Variants in JPT2 observed in about 807,000 individuals in gnomAD.
JPT2 encodes CRAMP_1 like.
JPT2 carries 9 observed loss-of-function variants against 15.9 expected under a neutral mutation model. The observed-to-expected ratio is 0.57, with a 90% confidence interval of 0.34 to 0.99. The LOEUF (loss-of-function observed/expected upper bound fraction) is 0.99, where lower values mean the gene tolerates loss of function less well. Ranked by LOEUF, JPT2 falls within the 50% of genes least tolerant of loss-of-function variation. JPT2 has a pLI of 0.02. For synonymous variants in JPT2, 95 were observed against 91.7 expected, an observed-to-expected ratio of 1.04 and a Z score of -0.21; for missense variants, 267 against 252.1, an observed-to-expected ratio of 1.06 and a Z score of -0.40.
At chr16:1,678,469 GC>G (rs1490762993) in intron 1 of JPT2, 113 bp downstream of exon 1, 2 of 1,064,542 alleles carry the variant, frequency 1.9e-6, no homozygotes, top group Non-Finnish European at 1.2e-6. Context: ...GGGGGGCAGG[GC>G]GACCTCACAG....
At position 1,691,742 on chromosome 16, in the gene JPT2, G is replaced by A. The variant is rs938199995; in HGVS notation, c.194-101G>A. ...GGCCTGGAGCTCAGGGCTGGCACTC[G>A]GGGTTCCTATGAGAGGAGGTCTCCA... On this transcript the variant is annotated intron_variant, in intron 2 of 4. Transcript: ENST00000248098. 8 of 1,409,622 alleles carry A rather than the reference G, an allele frequency of 5.7e-6. No homozygotes were observed. The East Asian group carries it at 1.2e-4, about 20-fold the overall frequency. 87.3% of individuals were successfully genotyped at this position (1,409,622 alleles called of 1,614,324 possible). A position where few individuals can be genotyped will look rare whatever the true frequency, so the allele number is the denominator to read the frequency against.
At chr16:1,697,746 T>C in intron 3 of JPT2, 66 bp from the exon 4 acceptor site, 3 of 1,453,542 alleles carry the variant, frequency 2.1e-6, no homozygotes, top group Non-Finnish European at 2.9e-6. Flanking sequence ...CTGATTTTCA[T>C]TGTCCATTTG....
At chr16:1,683,123 T>C (rs986201061) in intron 1 of JPT2, among the ~76,000 whole-genome samples, 66 of 152,032 alleles carry the variant, frequency 4.3e-4, no homozygotes, top group African/African-American at 1.5e-3. Context: ...ACTACAGGCG[T>C]CCGCCACCAC....
intron 3 of JPT2, 130 bp downstream of exon 3, chr16:1,692,115 C>A: frequency 8.4e-7 from 1 of 1,195,312 alleles, no homozygotes; most frequent in Non-Finnish European, 1.2e-6. Flanking sequence ...ATCCTGGATG[C>A]AAGCATTAGT....
Position 1,699,086 on chromosome 16 carries a change from G to C in JPT2, c.*88G>C. On this transcript the variant is annotated 3_prime_UTR_variant, in exon 5 of 5. Transcript: ENST00000248098. ...CATTTCCTTTTGCCCAAATGAGCGG[G>C]GTGGGAAGAGGGTTAGTCTTATGTG... The C allele has an allele frequency of 7.3e-7, 1 of 1,366,602 alleles. No individual in the cohort carries two copies. Among genetic ancestry groups the C allele is most frequent in the South Asian group, 1.2e-5 (1 of 85,664 alleles). The allele number at this position is 1,366,602 out of a possible 1,614,324, so 84.7% of individuals were successfully genotyped here.
At chr16:1,681,590 G>A (rs2142219293) in intron 1 of JPT2, among the ~76,000 whole-genome samples, 1 of 152,228 alleles carries the variant, frequency 6.6e-6, no homozygotes, top group African/African-American at 2.4e-5. Flanking sequence ...TTGGAGTCCC[G>A]ATGGCACTAG....
rs935250352 is a variant in JPT2 at position 1,680,594 on chromosome 16, G to A, written c.44+2238G>A. 39 of 890,300 alleles carry A rather than the reference G, an allele frequency of 4.4e-5. 2 individuals are homozygous for A. The South Asian group carries it at 8.0e-4, about 18-fold the overall frequency. 55.2% of individuals were successfully genotyped at this position (890,300 alleles called of 1,614,324 possible). A position where few individuals can be genotyped will look rare whatever the true frequency, so the allele number is the denominator to read the frequency against. On this transcript the variant is annotated intron_variant, in intron 1 of 4. Coordinates refer to ENST00000248098, the MANE Select transcript of JPT2 (RefSeq NM_144570.3). ...GTCGCAGGGCGGGCGCCTTGTAAGC[G>A]TCACATTTAGTTTTGCTGTGAAGCG...
rs188413041 is a variant in JPT2, at chr16:1,695,196, G to C, written c.337-2616G>C. Among the ~76,000 whole-genome samples the C allele has an allele frequency of 3.5e-3, 533 of 151,842 alleles. 8 individuals carry two copies. The highest frequency in any genetic ancestry group is 0.031 in the East Asian group (157 of 5,140). On this transcript the variant is annotated intron_variant, in intron 3 of 4. Coordinates refer to ENST00000248098, the MANE Select transcript of JPT2 (RefSeq NM_144570.3). Reference sequence around the variant, plus strand: ...CGAGGCAGGCGGATCACCTGAGGCCGGGAGTTCGAGACCAGCCTGACCAAC... The same window carrying C: ...CGAGGCAGGCGGATCACCTGAGGCCCGGAGTTCGAGACCAGCCTGACCAAC...
intron 3 of JPT2, among the ~76,000 whole-genome samples, chr16:1,694,757 C>T (rs1013145131): frequency 2.0e-5 from 3 of 151,948 alleles, no homozygotes; most frequent in Non-Finnish European, 4.4e-5. Context: ...TAGCAAATGG[C>T]ATTGGTACAA....
rs962376106 is a variant in JPT2 at position 1,699,666 on chromosome 16, C to T, written c.*668C>T. Reference sequence around the variant, plus strand: ...CTGAAACCTCGGCCTGATCTGATCTCATGTTGGAATCTGCCTGTCTTTCAC... The same window carrying T: ...CTGAAACCTCGGCCTGATCTGATCTTATGTTGGAATCTGCCTGTCTTTCAC... On this transcript the variant is annotated 3_prime_UTR_variant, in exon 5 of 5. Coordinates refer to ENST00000248098, the MANE Select transcript of JPT2 (RefSeq NM_144570.3). 2 of 259,662 alleles carry T rather than the reference C, an allele frequency of 7.7e-6. No individual in the cohort carries two copies. The highest frequency in any genetic ancestry group is 4.6e-5 in the South Asian group (1 of 21,794). The allele number at this position is 259,662 out of a possible 1,614,324, so 16.1% of individuals were successfully genotyped here.
At chr16:1,696,444 C>A (rs2037142705) in intron 3 of JPT2, among the ~76,000 whole-genome samples, 1 of 151,860 alleles carries the variant, frequency 6.6e-6, no homozygotes, top group Admixed American at 6.6e-5. Context: ...TTGCTTGAAC[C>A]CAGAAGGCAA....
chr16:1,692,521 T>C (rs2037111372), intron 3 of JPT2: 1 of 163,830 alleles, frequency 6.1e-6, no homozygotes, highest in Non-Finnish European at 1.4e-5. Context: ...GAGGAATGCC[T>C]ACACGATGCG....
At position 1,702,047 on chromosome 16, in the gene JPT2, AAAAAT is replaced by A. The variant is rs533835277; in HGVS notation, c.*3059_*3063del. On this transcript the variant is annotated 3_prime_UTR_variant, in exon 5 of 5. Coordinates refer to ENST00000248098, the MANE Select transcript of JPT2 (RefSeq NM_144570.3). The stretch of plus-strand genomic sequence containing the variant: ...GACCACAGAGCAAGACCCTGTGTAA[AAAAAT>A]AAAATAAAAAACAGATTGGATGTCT... The A allele has an allele frequency of 1.5e-3, 677 of 444,070 alleles. 11 individuals are homozygous for A. The highest frequency in any genetic ancestry group is 2.5e-3 in the Middle Eastern group (4 of 1,604). The allele number at this position is 444,070 out of a possible 1,614,324, so 27.5% of individuals were successfully genotyped here.
Position 1,700,480 on chromosome 16 carries a change from G to A in JPT2, c.*1482G>A, listed in dbSNP as rs1360837369. On this transcript the variant is annotated 3_prime_UTR_variant, in exon 5 of 5. Transcript: ENST00000248098. ...ATCATCATTATTAAACTTCAGAAAAGCAGCAGCCATGTTCAGTCAGGCTCA... is the reference window on the plus strand; with the variant it reads ...ATCATCATTATTAAACTTCAGAAAAACAGCAGCCATGTTCAGTCAGGCTCA... The A allele has an allele frequency of 4.9e-6, 1 of 203,380 alleles. No individual in the cohort carries two copies. Among genetic ancestry groups the A allele is most frequent in the Non-Finnish European group, 1.1e-5 (1 of 93,608 alleles). 12.6% of individuals were successfully genotyped at this position (203,380 alleles called of 1,614,324 possible).
chr16:1,680,446 C>G, intron 1 of JPT2: 1 of 1,229,346 alleles, frequency 8.1e-7, no homozygotes, highest in Non-Finnish European at 1.0e-6. Flanking sequence ...AGGGAGAAAA[C>G]TCTTCCTTTT....
At position 1,683,237 on chromosome 16, in the gene JPT2, A is replaced by G. The variant is rs534210085; in HGVS notation, c.45-2202A>G. ...GTGATCCGCCCACCTCGGCCTCCCA[A>G]GGTGCTGGGATTACAGGCGTGAGCC... On this transcript the variant is annotated intron_variant, in intron 1 of 4. Coordinates refer to ENST00000248098, the MANE Select transcript of JPT2 (RefSeq NM_144570.3). Among the ~76,000 whole-genome samples, 63 of 152,114 alleles carry G rather than the reference A, an allele frequency of 4.1e-4. 1 individual carries two copies. Among genetic ancestry groups the G allele is most frequent in the Admixed American group, 2.9e-3 (45 of 15,290 alleles).
intron 1 of JPT2, chr16:1,680,191 C>A: frequency 2.8e-6 from 1 of 353,076 alleles, no homozygotes; most frequent in Non-Finnish European, 4.0e-6. Context: ...TTTGCACCAC[C>A]CACATCAGTG....
At position 1,685,688 on chromosome 16, in the gene JPT2, C is replaced by G. The variant is rs1045621204; in HGVS notation, c.193+101C>G. Reference sequence around the variant, plus strand: ...TGATCCTTTCCCATATTGTCTGGTTCAGGTAATCACTTGTTATCAGAGTTC... The same window carrying G: ...TGATCCTTTCCCATATTGTCTGGTTGAGGTAATCACTTGTTATCAGAGTTC... On this transcript the variant is annotated intron_variant, in intron 2 of 4. Coordinates refer to ENST00000248098, the MANE Select transcript of JPT2 (RefSeq NM_144570.3). 13 of 1,243,596 alleles carry G rather than the reference C, an allele frequency of 1.0e-5. No homozygotes were observed. In the African/African-American group the frequency reaches 2.0e-4, roughly 20 times the overall value. 77.0% of individuals were successfully genotyped at this position (1,243,596 alleles called of 1,614,324 possible). A position where few individuals can be genotyped will look rare whatever the true frequency, so the allele number is the denominator to read the frequency against.
chr16:1,684,189 C>G (rs576269865), intron 1 of JPT2, among the ~76,000 whole-genome samples: 1 of 152,118 alleles, frequency 6.6e-6, no homozygotes, highest in East Asian at 1.9e-4. Context: ...AAGCAGAGCC[C>G]GTGGATACAG....
Sources: allele counts gnomAD v4.1 joint callset (sites outside exome capture counted in the v4.1 genomes callset), GRCh38; gene constraint gnomAD v4.1.1; transcripts MANE v1.5; gene names NCBI Gene and HGNC (gene_info 2026-07-23, HGNC 2026-07-21).